PPP2R2C: variants seen among roughly 807,000 people sequenced by gnomAD.
The protein encoded by PPP2R2C is protein phosphatase 2, regulatory subunit B, gamma.
PPP2R2C carries 10 observed loss-of-function variants against 45.3 expected under a neutral mutation model. The observed-to-expected ratio is 0.22, with a 90% CI of 0.14 to 0.37. The LOEUF (loss-of-function observed/expected upper bound fraction) is 0.37. Among genes scored for constraint, PPP2R2C ranks in the 10% least tolerant of loss-of-function variants. PPP2R2C has a pLI of 1.00. For missense variants in PPP2R2C, 308 were observed against 619.7 expected, an observed-to-expected ratio of 0.50 and a Z score of 5.34; for synonymous variants, 257 against 245.4, an observed-to-expected ratio of 1.05 and a Z score of -0.44.
intron 1 of PPP2R2C, among the ~76,000 whole-genome samples, chr4:6,445,021 CAA>C (rs368834006): frequency 1.4e-5 from 2 of 148,032 alleles, no homozygotes; most frequent in East Asian, 2.0e-4. Context: ...CCCAACTCTA[CAA>C]AAAAAAAATA....
chr4:6,369,944 T>A (rs894325841), intron 5 of PPP2R2C, among the ~76,000 whole-genome samples: 1 of 152,154 alleles, frequency 6.6e-6, no homozygotes, highest in Non-Finnish European at 1.5e-5. Flanking sequence ...AATGGTTGAA[T>A]AAATGAAATG....
At chr4:6,443,782 C>A (rs554301459) in intron 1 of PPP2R2C, among the ~76,000 whole-genome samples, 2 of 152,144 alleles carry the variant, frequency 1.3e-5, no homozygotes, top group East Asian at 1.9e-4. Context: ...CCACCGCCCC[C>A]CCGGAGTCCT....
rs148971834 is a variant in PPP2R2C, at chr4:6,487,418, C to T, written c.49+47853G>A. Among the ~76,000 whole-genome samples the T allele has an allele frequency of 2.1e-3, 323 of 151,700 alleles. 1 individual carries two copies. The highest frequency in any genetic ancestry group is 7.3e-3 in the African/African-American group (300 of 41,368). ...CCTGCTAGTTATGAATTCTTTAAGC[C>T]GTTATGTCTCAGAAGTCTATTTTGC... is the stretch of plus-strand genomic sequence containing the variant. On this transcript the variant is annotated intron_variant, in intron 2 of 9. Transcript: ENST00000506140.
chr4:6,414,076 A>ATGTG (rs71173440), intron 1 of PPP2R2C: 11,907 of 878,618 alleles, frequency 0.014, 172 homozygotes, highest in African/African-American at 0.049. Context: ...TTGCCTGTGT[A>ATGTG]TGTGTGTGTG....
chr4:6,541,628 C>T (rs1192284060), intron 1 of PPP2R2C, among the ~76,000 whole-genome samples: 1 of 152,168 alleles, frequency 6.6e-6, no homozygotes, highest in Non-Finnish European at 1.5e-5. Flanking sequence ...CTCACTGCAA[C>T]CTCTGCCTCC....
intron 2 of PPP2R2C, among the ~76,000 whole-genome samples, chr4:6,520,085 G>A (rs2108812904): frequency 6.6e-6 from 1 of 152,308 alleles, no homozygotes; most frequent in South Asian, 2.1e-4. Context: ...TTAACAGGCA[G>A]AGAGGGACAG....
chr4:6,445,183 T>G (rs1279710717), intron 1 of PPP2R2C, among the ~76,000 whole-genome samples: 1 of 151,718 alleles, frequency 6.6e-6, no homozygotes, highest in East Asian at 1.9e-4. Flanking sequence ...AGTGAGACCC[T>G]GTCTCAACAA....
At chr4:6,472,678 C>T (rs1227451620), upstream of PPP2R2C, among the ~76,000 whole-genome samples, 3 of 150,808 alleles carry the variant, frequency 2.0e-5, no homozygotes, top group East Asian at 3.9e-4. Context: ...GCCCGCTCTC[C>T]GCCCCCGCGG....
At chr4:6,406,411 G>A (rs1184114758) in intron 1 of PPP2R2C, among the ~76,000 whole-genome samples, 2 of 152,330 alleles carry the variant, frequency 1.3e-5, no homozygotes, top group South Asian at 2.1e-4. Flanking sequence ...ACTGCAATGG[G>A]TTGAATGGTG....
Position 6,432,403 on chromosome 4 carries a change from A to C in PPP2R2C, c.70+39757T>G, listed in dbSNP as rs192331814. On this transcript the variant is annotated intron_variant, in intron 1 of 8. Coordinates refer to ENST00000382599, the MANE Select transcript of PPP2R2C (RefSeq NM_020416.4). ...GGGATGAAACAAGTGTTGTACCCAC[A>C]TCCTCAGTAGGTGTCCAAGGACCGT... is the stretch of plus-strand genomic sequence containing the variant. 1.7e-3 allele frequency among the ~76,000 whole-genome samples: 252 copies of C among 152,292 alleles called. 1 individual carries two copies. The highest frequency in any genetic ancestry group is 2.6e-3 in the Non-Finnish European group (176 of 68,034).
At chr4:6,387,653 A>G (rs1326072278) in intron 1 of PPP2R2C, among the ~76,000 whole-genome samples, 1 of 152,094 alleles carries the variant, frequency 6.6e-6, no homozygotes. Context: ...TCTACTAAAA[A>G]TACAAAAAAA....
intron 5 of PPP2R2C, among the ~76,000 whole-genome samples, chr4:6,354,524 C>T (rs1389924479): frequency 6.6e-6 from 1 of 152,128 alleles, no homozygotes; most frequent in African/African-American, 2.4e-5. Context: ...CTGCCCAGAG[C>T]TGGTGCCTGG....
At chr4:6,554,222 A>G (rs1385771059) in intron 1 of PPP2R2C, among the ~76,000 whole-genome samples, 1 of 152,214 alleles carries the variant, frequency 6.6e-6, no homozygotes, top group Non-Finnish European at 1.5e-5. Flanking sequence ...ATCCAAAATG[A>G]CGGGTGCCCT....
At chr4:6,457,206 T>TGAAAAAA (rs1721085536) in intron 1 of PPP2R2C, among the ~76,000 whole-genome samples, 1 of 26,744 alleles carries the variant, frequency 3.7e-5, no homozygotes, top group Non-Finnish European at 1.1e-4. Flanking sequence ...AGACTCCATC[T>TGAAAAAA]CAAAAAAAAA....
chr4:6,368,563 G>A lies in PPP2R2C; in HGVS notation c.625+3960C>T, dbSNP rs1714531169. On this transcript the variant is annotated intron_variant, in intron 5 of 8. Coordinates refer to ENST00000382599, the MANE Select transcript of PPP2R2C (RefSeq NM_020416.4). This position sits in a 1 kb window ranked among gnomAD's most constrained non-coding sequence, Gnocchi z 4.2. ...GACAGGAGGCAAGGCTCACGGTAAC[G>A]GCCAGGGAGGACTTTGCAGTCCTGG... 6.6e-6 allele frequency among the ~76,000 whole-genome samples: 1 copy of A among 152,152 alleles called. No individual in the cohort carries two copies. The highest frequency in any genetic ancestry group is 2.4e-5 in the African/African-American group (1 of 41,434).
chr4:6,381,820 G>A, intron 1 of PPP2R2C: 1 of 1,613,972 alleles, frequency 6.2e-7, no homozygotes. Flanking sequence ...GGATGGGCAA[G>A]TGTTTGGAGA....
chr4:6,349,055 G>T (rs560836732), intron 5 of PPP2R2C: 1 of 985,282 alleles, frequency 1.0e-6, no homozygotes, highest in Non-Finnish European at 1.2e-6. Flanking sequence ...CTTCCCTGCT[G>T]CCCAGCAGCA....
intron 5 of PPP2R2C, among the ~76,000 whole-genome samples, chr4:6,370,283 G>C (rs1462207463): frequency 2.6e-5 from 4 of 152,218 alleles, no homozygotes; most frequent in African/African-American, 9.6e-5. Flanking sequence ...TGTGAAATGG[G>C]GTGATCATCA....
At chr4:6,550,341 T>C (rs913087217) in intron 1 of PPP2R2C, among the ~76,000 whole-genome samples, 1 of 150,894 alleles carries the variant, frequency 6.6e-6, no homozygotes, top group Non-Finnish European at 1.5e-5. Flanking sequence ...GGCCAGCACA[T>C]GAGACCCTTG....
Sources: allele counts gnomAD v4.1 joint callset (sites outside exome capture counted in the v4.1 genomes callset), GRCh38; gene constraint gnomAD v4.1.1; non-coding constraint Gnocchi (gnomAD v3.1); transcripts MANE v1.5; gene names NCBI Gene and HGNC (gene_info 2026-07-23, HGNC 2026-07-21).